Variants in PRMT8 observed in about 807,000 individuals in gnomAD.
PRMT8 encodes protein arginine N-methyltransferase 8.
Under a neutral mutation model 47.1 loss-of-function variants are expected in PRMT8, and 7 were observed. The ratio of observed to expected loss-of-function variants is 0.15; its 90% CI spans 0.08 to 0.28. The LOEUF is 0.28. Among genes scored for constraint, PRMT8 ranks in the 10% least tolerant of loss-of-function variants. The pLI, the probability that PRMT8 is intolerant of heterozygous loss-of-function variation, is 1.00. For synonymous variants in PRMT8, 188 were observed against 186.5 expected (o/e 1.01, Z -0.07); for missense variants, 237 against 505.4 (o/e 0.47, Z 5.09).
chr12:3,473,460 T>C (rs761560659), intron 1 of PRMT8, among the ~76,000 whole-genome samples: 2 of 152,168 alleles, frequency 1.3e-5, no homozygotes, highest in African/African-American at 4.8e-5. Context: ...AGCCTCTACC[T>C]CTGCCCACCT....
At chr12:3,582,985 C>T (rs1342437311) in intron 7 of PRMT8, 73 bp from the exon 8 acceptor site, 8 of 1,538,926 alleles carry the variant, frequency 5.2e-6, no homozygotes, top group East Asian at 4.5e-5. Flanking sequence ...TCTCACAGAA[C>T]GAGGCTGCTG....
At chr12:3,383,175 A>T (rs544018357) in intron 1 of PRMT8, among the ~76,000 whole-genome samples, 1 of 152,272 alleles carries the variant, frequency 6.6e-6, no homozygotes, top group East Asian at 1.9e-4. Flanking sequence ...TTATTCTTCT[A>T]TTTCAAAATT....
intron 4 of PRMT8, among the ~76,000 whole-genome samples, chr12:3,555,073 A>T (rs867911234): frequency 2.4e-4 from 36 of 152,382 alleles, no homozygotes; most frequent in African/African-American, 7.9e-4. Flanking sequence ...TACTGACTCA[A>T]CAAACTTCTC....
chr12:3,511,666 G>A (rs370289781), intron 1 of PRMT8, among the ~76,000 whole-genome samples: 2 of 152,132 alleles, frequency 1.3e-5, no homozygotes, highest in Non-Finnish European at 1.5e-5. Context: ...CCAGTTTTTC[G>A]GCTCTGGGCT....
At chr12:3,468,784 C>T (rs1476069863) in intron 1 of PRMT8, among the ~76,000 whole-genome samples, 1 of 152,228 alleles carries the variant, frequency 6.6e-6, no homozygotes. Context: ...GTCCCTGAAA[C>T]ACCTGAAATA....
intron 1 of PRMT8, among the ~76,000 whole-genome samples, chr12:3,497,779 C>T (rs1441787840): frequency 6.6e-6 from 1 of 152,142 alleles, no homozygotes; most frequent in Non-Finnish European, 1.5e-5. Flanking sequence ...GTAAAGATCT[C>T]TTTTTAAAGT....
intron 1 of PRMT8, among the ~76,000 whole-genome samples, chr12:3,496,719 A>G (rs987245496): frequency 2.0e-5 from 3 of 152,172 alleles, no homozygotes; most frequent in African/African-American, 7.2e-5. Flanking sequence ...TGAGTTCTCA[A>G]TAAGCGTTTA....
Position 3,508,627 on chromosome 12 carries a change from G to A in PRMT8, c.75+16927G>A, listed in dbSNP as rs1865667479. Among the ~76,000 whole-genome samples, 1 of 152,166 alleles carries A rather than the reference G, an allele frequency of 6.6e-6. No individual in the cohort carries two copies. The highest frequency in any genetic ancestry group is 2.1e-4 in the South Asian group (1 of 4,828). On this transcript the variant is annotated intron_variant, in intron 1 of 9. Coordinates refer to ENST00000382622, the MANE Select transcript of PRMT8 (RefSeq NM_019854.5). The surrounding 1 kb of genome is among the most constrained non-coding windows in gnomAD (Gnocchi z 4.9). ...GATTCTGTGAGTTGTGGTGCTGTGG[G>A]CTTGTTCCAGGCAGGGTTCTGGTCA...
intron 1 of PRMT8, among the ~76,000 whole-genome samples, chr12:3,440,774 A>C (rs917738854): frequency 6.6e-6 from 1 of 152,190 alleles, no homozygotes; most frequent in Non-Finnish European, 1.5e-5. Context: ...GAAGAACAGT[A>C]ATTATACCAG....
intron 1 of PRMT8, among the ~76,000 whole-genome samples, chr12:3,406,939 C>A (rs1485102137): frequency 6.6e-6 from 1 of 152,104 alleles, no homozygotes. Context: ...TTCTTGGTAC[C>A]AATTACTGTA....
chr12:3,461,901 A>G (rs1357533190), intron 1 of PRMT8, among the ~76,000 whole-genome samples: 6 of 152,128 alleles, frequency 3.9e-5, no homozygotes, highest in Admixed American at 1.3e-4. Flanking sequence ...CAAAACAAAA[A>G]TAACTTTTAT....
chr12:3,435,815 C>T (rs780110282), intron 1 of PRMT8, among the ~76,000 whole-genome samples: 3 of 152,160 alleles, frequency 2.0e-5, no homozygotes, highest in East Asian at 1.9e-4. Flanking sequence ...CCACCACGCC[C>T]GGCCAACGTC....
Position 3,583,081 on chromosome 12 carries a change from G to A in PRMT8, c.852G>A (p.Lys284=). ...LIKEVDIYTV[K]TEELSFTSAF... ...AGGAGGTGGACATTTACACAGTGAA[G>A]ACGGAAGAGCTATCGTTCACATCTG... Residue 284 remains lysine (K), a synonymous_variant, in exon 8 of 10, where the codon AAG becomes AAA. Transcript: ENST00000382622. The surrounding 1 kb of genome is among the most constrained non-coding windows in gnomAD (Gnocchi z 4.7). 1 of 1,614,044 alleles carries A rather than the reference G, an allele frequency of 6.2e-7. No homozygotes were observed. The highest frequency in any genetic ancestry group is 2.2e-5 in the East Asian group (1 of 44,870).
At chr12:3,454,534 GGA>G (rs1440989961) in intron 1 of PRMT8, among the ~76,000 whole-genome samples, 3 of 152,186 alleles carry the variant, frequency 2.0e-5, no homozygotes, top group Admixed American at 2.0e-4. Context: ...CAGCCCTGGA[GGA>G]GAGAGGAGGA....
rs933419403 is a variant in PRMT8 at position 3,592,214 on chromosome 12, G to A, written c.980-17G>A. ...CTGACTCTTTCTTCCCACCTCCCCTGTTCTCTCACCCCTCAGCCCCTGATG... is the reference window on the plus strand; with the variant it reads ...CTGACTCTTTCTTCCCACCTCCCCTATTCTCTCACCCCTCAGCCCCTGATG... On this transcript the variant is annotated splice_polypyrimidine_tract_variant and intron_variant, in intron 8 of 9. Coordinates refer to ENST00000382622, the MANE Select transcript of PRMT8 (RefSeq NM_019854.5). 1.3e-6 allele frequency: 2 copies of A among 1,550,364 alleles called. No individual in the cohort carries two copies. The highest frequency in any genetic ancestry group is 1.7e-4 in the Middle Eastern group (1 of 5,890).
At chr12:3,510,624 T>G (rs2137128963) in intron 1 of PRMT8, among the ~76,000 whole-genome samples, 1 of 152,188 alleles carries the variant, frequency 6.6e-6, no homozygotes, top group South Asian at 2.1e-4. Flanking sequence ...AAAACCAAAC[T>G]AATGGCTTGG....
At chr12:3,474,927 G>A (rs548890338) in intron 1 of PRMT8, among the ~76,000 whole-genome samples, 1 of 152,178 alleles carries the variant, frequency 6.6e-6, no homozygotes, top group Non-Finnish European at 1.5e-5. Context: ...AATCCAGATG[G>A]CATTTAAATG....
rs937790340 is a variant in PRMT8, at chr12:3,578,282, G to T, written c.828+1296G>T. Reference sequence around the variant, plus strand: ...CTCTCTCTGTCACCCAGGTTGAAGTGCAGTGGTGTGATAATAGCTCACTGC... The same window carrying T: ...CTCTCTCTGTCACCCAGGTTGAAGTTCAGTGGTGTGATAATAGCTCACTGC... On this transcript the variant is annotated intron_variant, in intron 7 of 9. Coordinates refer to ENST00000382622, the MANE Select transcript of PRMT8 (RefSeq NM_019854.5). 2.6e-5 allele frequency among the ~76,000 whole-genome samples: 4 copies of T among 152,186 alleles called. No individual in the cohort carries two copies. In the East Asian group the frequency reaches 7.7e-4, roughly 29 times the overall value.
At chr12:3,532,959 A>G (rs1383409216) in intron 1 of PRMT8, among the ~76,000 whole-genome samples, 1 of 152,158 alleles carries the variant, frequency 6.6e-6, no homozygotes, top group African/African-American at 2.4e-5. Flanking sequence ...GAGGCCTCCC[A>G]GAGTGGGAGG....
Sources: allele counts gnomAD v4.1 joint callset (sites outside exome capture counted in the v4.1 genomes callset), GRCh38; gene constraint gnomAD v4.1.1; non-coding constraint Gnocchi (gnomAD v3.1); transcripts MANE v1.5; gene names NCBI Gene and HGNC (gene_info 2026-07-23, HGNC 2026-07-21).